Variants in AUTS2 observed in about 807,000 individuals in gnomAD.
AUTS2 encodes the protein activator of transcription and developmental regulator AUTS2.
AUTS2 carries 17 observed loss-of-function variants against 112.4 expected under a neutral mutation model. That is an observed-to-expected ratio of 0.15 (90% CI 0.10 to 0.23). AUTS2 has a LOEUF of 0.23. AUTS2 is among the 10% of genes least tolerant of loss of function. The probability of loss-of-function intolerance (pLI) is 1.00; values close to 1 mark genes in which losing one functional copy is unlikely to be tolerated. For missense variants in AUTS2, 1,510 were observed against 1,701.6 expected (o/e 0.89, Z 1.98); for synonymous variants, 751 against 702.7 (o/e 1.07, Z -1.09).
At chr7:70,786,078 T>TTATC in intron 17 of AUTS2, 40 bp downstream of exon 17, 1 of 1,549,242 alleles carries the variant, frequency 6.5e-7, no homozygotes, top group Non-Finnish European at 8.9e-7. Flanking sequence ...CTTGGACTTT[T>TTATC]TATCTCCTGT....
chr7:70,737,268 C>T (rs1787828597), intron 6 of AUTS2, among the ~76,000 whole-genome samples: 1 of 152,152 alleles, frequency 6.6e-6, no homozygotes, highest in South Asian at 2.1e-4. Flanking sequence ...GAGCAGAGAC[C>T]ATGGGCATCA....
intron 1 of AUTS2, among the ~76,000 whole-genome samples, chr7:69,766,363 G>C (rs1788419232): frequency 6.6e-6 from 1 of 152,044 alleles, no homozygotes; most frequent in South Asian, 2.1e-4. Context: ...GTCTACATTT[G>C]GGTTGCTTCC....
intron 4 of AUTS2, among the ~76,000 whole-genome samples, chr7:70,222,271 A>G (rs1811526834): frequency 6.6e-6 from 1 of 152,238 alleles, no homozygotes; most frequent in African/African-American, 2.4e-5. Context: ...TACTGTTGCC[A>G]CTTCAGTGTC....
intron 1 of AUTS2, among the ~76,000 whole-genome samples, chr7:69,649,984 T>A (rs1437822438): frequency 6.6e-6 from 1 of 152,242 alleles, no homozygotes; most frequent in Non-Finnish European, 1.5e-5. Flanking sequence ...CACAGTCTTA[T>A]GCAGCAGCAC....
intron 5 of AUTS2, among the ~76,000 whole-genome samples, chr7:70,513,791 C>T (rs1342284983): frequency 6.6e-6 from 1 of 151,720 alleles, no homozygotes; most frequent in African/African-American, 2.4e-5. Flanking sequence ...TCCCAGGTAG[C>T]TGGAATTACA....
chr7:69,881,889 C>T (rs537854550), intron 1 of AUTS2, among the ~76,000 whole-genome samples: 1 of 152,222 alleles, frequency 6.6e-6, no homozygotes, highest in Non-Finnish European at 1.5e-5. Context: ...TGGTGGCTCA[C>T]ACCTGTAATC....
rs184457079 is a variant in AUTS2, at chr7:70,489,241, G to A, written c.690+53460G>A. Among the ~76,000 whole-genome samples, 469 of 152,330 alleles carry A rather than the reference G, an allele frequency of 3.1e-3. 5 individuals are homozygous for A. The highest frequency in any genetic ancestry group is 8.8e-3 in the Admixed American group (134 of 15,306). ...AAAAACACAAATGCGGTTCTGCTGT[G>A]ACAAGCAGTCATAGAAAAGGAACAA... On this transcript the variant is annotated intron_variant, in intron 5 of 18. Coordinates refer to ENST00000342771, the MANE Select transcript of AUTS2 (RefSeq NM_015570.4).
chr7:70,217,150 A>C (rs1205731366), intron 4 of AUTS2, among the ~76,000 whole-genome samples: 2 of 152,198 alleles, frequency 1.3e-5, no homozygotes, highest in Non-Finnish European at 2.9e-5. Flanking sequence ...TTATGTCCAC[A>C]GTTTAGAATA....
chr7:70,599,839 T>C (rs921537449), intron 5 of AUTS2, among the ~76,000 whole-genome samples: 6 of 152,200 alleles, frequency 3.9e-5, no homozygotes, highest in Admixed American at 6.5e-5. Context: ...TTCAACTCAC[T>C]GCAGACAGCA....
chr7:70,635,269 T>G (rs907780320), intron 5 of AUTS2, among the ~76,000 whole-genome samples: 5 of 152,226 alleles, frequency 3.3e-5, no homozygotes, highest in African/African-American at 9.6e-5. Context: ...CATTCAGATG[T>G]GCCTCTCCTG....
At chr7:70,506,636 C>T (rs986063624) in intron 5 of AUTS2, among the ~76,000 whole-genome samples, 3 of 152,162 alleles carry the variant, frequency 2.0e-5, no homozygotes, top group Non-Finnish European at 4.4e-5. Context: ...CCGCGCCCAG[C>T]GTAAAGGTCA....
At chr7:70,436,196 A>T (rs187165147) in intron 5 of AUTS2, 1 of 160,734 alleles carries the variant, frequency 6.2e-6, no homozygotes, top group African/African-American at 2.4e-5. Context: ...TTCTGTACCT[A>T]TTGGCCTTCT....
rs1794291932 is a variant in AUTS2, at chr7:70,400,759, G to C, written c.661-34993G>C. 7.2e-5 allele frequency among the ~76,000 whole-genome samples: 11 copies of C among 152,268 alleles called. No homozygotes were observed. The South Asian group carries it at 2.3e-3, about 32-fold the overall frequency. On this transcript the variant is annotated intron_variant, in intron 4 of 18. Coordinates refer to ENST00000342771, the MANE Select transcript of AUTS2 (RefSeq NM_015570.4). Reference sequence around the variant, plus strand: ...TGCCAGGGATTCTCAAACCTTGACTGTATCAGAATCACCTGGGAGCTTGTT... The same window carrying C: ...TGCCAGGGATTCTCAAACCTTGACTCTATCAGAATCACCTGGGAGCTTGTT...
intron 1 of AUTS2, among the ~76,000 whole-genome samples, chr7:69,826,092 C>T (rs11979460): frequency 0.021 from 3,175 of 152,184 alleles, 110 homozygotes; most frequent in African/African-American, 0.07. Context: ...TCAGGTCCTG[C>T]AGCTATAGTT....
intron 5 of AUTS2, among the ~76,000 whole-genome samples, chr7:70,564,196 T>C (rs1009127772): frequency 2.0e-5 from 3 of 152,228 alleles, no homozygotes; most frequent in East Asian, 3.8e-4. Context: ...TTCAGTGCTG[T>C]GATTTTTCAA....
At chr7:70,404,189 T>C (rs1302841847) in intron 4 of AUTS2, among the ~76,000 whole-genome samples, 1 of 152,104 alleles carries the variant, frequency 6.6e-6, no homozygotes, top group African/African-American at 2.4e-5. Context: ...GTGACTGGAA[T>C]TCATTGGGGT....
intron 5 of AUTS2, among the ~76,000 whole-genome samples, chr7:70,493,511 T>G (rs765514834): frequency 1.4e-4 from 21 of 152,268 alleles, no homozygotes; most frequent in Non-Finnish European, 2.8e-4. Context: ...TCTGGCCAAG[T>G]CTTGGAATTT....
intron 5 of AUTS2, among the ~76,000 whole-genome samples, chr7:70,487,538 A>T (rs949429334): frequency 4.6e-5 from 7 of 152,222 alleles, no homozygotes; most frequent in Admixed American, 1.3e-4. Context: ...CCAAGATGCA[A>T]CAGAGGGCCT....
At chr7:69,671,486 G>GTGT (rs748832261) in intron 1 of AUTS2, among the ~76,000 whole-genome samples, 45,762 of 137,892 alleles carry the variant, frequency 0.33, 7,598 homozygotes, top group East Asian at 0.45. Flanking sequence ...TGCTGCTGCT[G>GTGT]GTGTGTGTGT....
Sources: allele counts gnomAD v4.1 joint callset (sites outside exome capture counted in the v4.1 genomes callset), GRCh38; gene constraint gnomAD v4.1.1; transcripts MANE v1.5; gene names NCBI Gene and HGNC (gene_info 2026-07-23, HGNC 2026-07-21).